HEMK2: variants seen among roughly 807,000 people sequenced by gnomAD.
HEMK2 encodes the protein methyltransferase HEMK2.
At chr21:28,854,299 A>C in the HEMK2 span, among the ~76,000 whole-genome samples, 31 of 152,302 alleles carry the variant, frequency 2.0e-4, no homozygotes, top group African/African-American at 7.2e-4. Flanking sequence ...AAGGATTATA[A>C]GTGTTCTCCA....
chr21:28,594,473 T>C, the HEMK2 span, among the ~76,000 whole-genome samples: 6 of 152,186 alleles, frequency 3.9e-5, no homozygotes, highest in Non-Finnish European at 5.9e-5. Flanking sequence ...ACAATGTTTC[T>C]GTACACTTAA....
the HEMK2 span, among the ~76,000 whole-genome samples, chr21:28,744,741 T>C: frequency 3.3e-5 from 5 of 152,218 alleles, no homozygotes; most frequent in Admixed American, 1.3e-4. Context: ...CATAAATGCA[T>C]TACAGAGAGC....
At chr21:28,878,338 G>C in the HEMK2 span, 1 of 1,611,650 alleles carries the variant, frequency 6.2e-7, no homozygotes, top group Non-Finnish European at 8.5e-7. Flanking sequence ...TCCTACCTGT[G>C]AACAATTAGA....
chr21:28,868,620 G>T, the HEMK2 span, among the ~76,000 whole-genome samples: 1 of 152,118 alleles, frequency 6.6e-6, no homozygotes, highest in Non-Finnish European at 1.5e-5. Flanking sequence ...TGGGGTGGAG[G>T]TTGCCGTGAG....
the HEMK2 span, among the ~76,000 whole-genome samples, chr21:28,640,880 C>T: frequency 6.6e-6 from 1 of 152,210 alleles, no homozygotes; most frequent in Non-Finnish European, 1.5e-5. Context: ...GAGATCATGG[C>T]TGCTATGAAG....
chr21:28,880,928 TAAAAAAAAAA>T, the HEMK2 span, among the ~76,000 whole-genome samples: 7 of 104,436 alleles, frequency 6.7e-5, no homozygotes, highest in South Asian at 1.2e-3. Flanking sequence ...ATCATTTATT[TAAAAAAAAAA>T]AAAAAAAAAA....
chr21:28,723,507 A>G, the HEMK2 span, among the ~76,000 whole-genome samples: 1 of 152,184 alleles, frequency 6.6e-6, no homozygotes, highest in Non-Finnish European at 1.5e-5. Flanking sequence ...ATCTTGGCAT[A>G]TCACAGAGTT....
chr21:28,675,891 T>A, the HEMK2 span, among the ~76,000 whole-genome samples: 1 of 152,244 alleles, frequency 6.6e-6, no homozygotes, highest in African/African-American at 2.4e-5. Context: ...CTGGAGCTGC[T>A]ACAGGAAGTT....
chr21:28,648,212 T>C, the HEMK2 span, among the ~76,000 whole-genome samples: 3 of 152,242 alleles, frequency 2.0e-5, no homozygotes, highest in Non-Finnish European at 4.4e-5. Flanking sequence ...GATGCTCAGA[T>C]TGCTCCTGCT....
chr21:28,648,308 T>C, the HEMK2 span, among the ~76,000 whole-genome samples: 4 of 152,196 alleles, frequency 2.6e-5, no homozygotes, highest in Non-Finnish European at 4.4e-5. Context: ...ACCTAATAGT[T>C]GCACCAGAGG....
chr21:28,731,233 A>G, the HEMK2 span, among the ~76,000 whole-genome samples: 2 of 152,212 alleles, frequency 1.3e-5, no homozygotes, highest in Non-Finnish European at 2.9e-5. Context: ...TGTTTATATT[A>G]TGATACTCAA....
At chr21:28,793,007 C>A in the HEMK2 span, among the ~76,000 whole-genome samples, 1 of 152,160 alleles carries the variant, frequency 6.6e-6, no homozygotes, top group Admixed American at 6.5e-5. Flanking sequence ...ACCACCTTAG[C>A]CCAAAAGGAA....
the HEMK2 span, among the ~76,000 whole-genome samples, chr21:28,633,173 T>C: frequency 6.6e-5 from 10 of 152,112 alleles, no homozygotes; most frequent in Non-Finnish European, 1.3e-4. Flanking sequence ...AGGAAGCAAG[T>C]CTGAACCTGT....
the HEMK2 span, among the ~76,000 whole-genome samples, chr21:28,693,556 T>C: frequency 6.6e-6 from 1 of 152,228 alleles, no homozygotes; most frequent in Admixed American, 6.5e-5. Context: ...CTTCAACATT[T>C]TGATTGCTGC....
the HEMK2 span, among the ~76,000 whole-genome samples, chr21:28,830,091 T>A: frequency 6.6e-6 from 1 of 152,186 alleles, no homozygotes. Flanking sequence ...ATATCTTATA[T>A]CTGTATAATT....
chr21:28,738,012 T>C, the HEMK2 span, among the ~76,000 whole-genome samples: 2 of 152,184 alleles, frequency 1.3e-5, no homozygotes, highest in African/African-American at 4.8e-5. Context: ...GAGGGCATTA[T>C]GGGAGGGCTG....
chr21:28,746,892 A>G, the HEMK2 span, among the ~76,000 whole-genome samples: 2 of 152,224 alleles, frequency 1.3e-5, no homozygotes, highest in Non-Finnish European at 2.9e-5. Context: ...GGGCTGTGCA[A>G]TGAGGTTTTT....
chr21:28,755,134 G>A, the HEMK2 span, among the ~76,000 whole-genome samples: 2 of 152,170 alleles, frequency 1.3e-5, no homozygotes, highest in Admixed American at 6.5e-5. Context: ...GAGGTCTTCA[G>A]AGGTCTTCAT....
the HEMK2 span, among the ~76,000 whole-genome samples, chr21:28,805,565 T>C: frequency 2.0e-5 from 3 of 152,220 alleles, no homozygotes; most frequent in Non-Finnish European, 4.4e-5. Context: ...GTCAGCTCAG[T>C]AGCTTCTCAA....
Sources: allele counts gnomAD v4.1 joint callset (sites outside exome capture counted in the v4.1 genomes callset), GRCh38; gene constraint gnomAD v4.1.1; transcripts MANE v1.5; gene names NCBI Gene and HGNC (gene_info 2026-07-23, HGNC 2026-07-21).